Variants in ARNT2 observed in about 807,000 individuals in gnomAD.
ARNT2 encodes the protein ARNT protein 2.
Under a neutral mutation model 91.7 loss-of-function variants are expected in ARNT2, and 36 were observed. That is an observed-to-expected ratio of 0.39 (90% CI 0.30 to 0.52). The LOEUF (loss-of-function observed/expected upper bound fraction) is 0.52, where lower values mean the gene tolerates loss of function less well. ARNT2 is among the 20% of genes least tolerant of loss of function. The pLI, the probability that ARNT2 is intolerant of heterozygous loss-of-function variation, is 0.72. For synonymous variants in ARNT2, 365 were observed against 347.1 expected (o/e 1.05, Z -0.57); for missense variants, 775 against 939.3 (o/e 0.83, Z 2.29).
chr15:80,469,212 TG>T lies in ARNT2; in HGVS notation c.195-1004del, dbSNP rs1405024173. On this transcript the variant is annotated intron_variant, in intron 3 of 18. Coordinates refer to ENST00000303329, the MANE Select transcript of ARNT2 (RefSeq NM_014862.4). The stretch of plus-strand genomic sequence containing the variant: ...AAGCCTGAAGGTAAAAAGCCTGGGT[TG>T]GAAACATTCTACCATCCCTTCTGCT... Among the ~76,000 whole-genome samples, 3 of 152,342 alleles carry T rather than the reference TG, an allele frequency of 2.0e-5. No homozygotes were observed. In the East Asian group the frequency reaches 5.8e-4, roughly 29 times the overall value.
At position 80,505,927 on chromosome 15, in the gene ARNT2, G is replaced by GGTTTTTTTTT. The variant is rs1897266872; in HGVS notation, c.623-2229_623-2228insGTTTTTTTTT. Among the ~76,000 whole-genome samples the GGTTTTTTTTT allele has an allele frequency of 2.6e-4, 23 of 88,944 alleles. No homozygotes were observed. The South Asian group carries it at 9.6e-3, about 37-fold the overall frequency. The allele number at this position is 88,944 out of a possible 152,430, so 58.4% of individuals were successfully genotyped here. A position where few individuals can be genotyped will look rare whatever the true frequency, so the allele number is the denominator to read the frequency against. ...GAAAAAATGATTCCCAACATTTGTTGTTTTTTTTTTTTTTTTTTTTGAGAC... is the reference window on the plus strand; with the variant it reads ...GAAAAAATGATTCCCAACATTTGTTGGTTTTTTTTTTTTTTTTTTTTTTTTTTTTTGAGAC... On this transcript the variant is annotated intron_variant, in intron 5 of 18. Transcript: ENST00000303329.
chr15:80,478,237 A>G (rs1031645506), intron 5 of ARNT2, among the ~76,000 whole-genome samples: 3 of 152,208 alleles, frequency 2.0e-5, no homozygotes, highest in African/African-American at 7.2e-5. Flanking sequence ...TGACCACAGG[A>G]TGTGGCTTTT....
chr15:80,499,826 T>C (rs990511325), intron 5 of ARNT2, among the ~76,000 whole-genome samples: 1 of 152,212 alleles, frequency 6.6e-6, no homozygotes, highest in African/African-American at 2.4e-5. Flanking sequence ...AGCTCTTTTT[T>C]TGACTTTCAT....
intron 1 of ARNT2, among the ~76,000 whole-genome samples, chr15:80,406,595 A>G (rs1200066399): frequency 6.6e-6 from 1 of 152,210 alleles, no homozygotes; most frequent in Admixed American, 6.5e-5. Context: ...TGGACTAAAG[A>G]TCTAAAGATG....
chr15:80,575,384 T>C (rs968731628), intron 14 of ARNT2, among the ~76,000 whole-genome samples: 5 of 152,078 alleles, frequency 3.3e-5, no homozygotes, highest in African/African-American at 7.2e-5. Flanking sequence ...AGGAATGAGA[T>C]GGGTAGAAAT....
Position 80,464,489 on chromosome 15 carries a change from C to T in ARNT2, c.195-5729C>T, listed in dbSNP as rs184758234. 2.6e-5 allele frequency among the ~76,000 whole-genome samples: 4 copies of T among 152,224 alleles called. No individual in the cohort carries two copies. In the East Asian group the frequency reaches 7.7e-4, roughly 29 times the overall value. ...AGGATCTGGGCTTCTCAGACTCCTC[C>T]CTGTGTTTTGGGTGAGTCTTGCATT... On this transcript the variant is annotated intron_variant, in intron 3 of 18. Coordinates refer to ENST00000303329, the MANE Select transcript of ARNT2 (RefSeq NM_014862.4).
chr15:80,560,957 G>T (rs1898330462), intron 11 of ARNT2, among the ~76,000 whole-genome samples: 1 of 152,228 alleles, frequency 6.6e-6, no homozygotes, highest in Non-Finnish European at 1.5e-5. Flanking sequence ...CTCAGATCTT[G>T]TCTGGCTTCC....
chr15:80,569,211 G>A (rs542614483), intron 12 of ARNT2, among the ~76,000 whole-genome samples: 3 of 152,220 alleles, frequency 2.0e-5, no homozygotes, highest in Non-Finnish European at 4.4e-5. Context: ...CCCTGTCCAG[G>A]GAGCATCAGG....
At position 80,591,425 on chromosome 15, in the gene ARNT2, C is replaced by G; in HGVS notation, c.1919-143C>G. Reference sequence around the variant, plus strand: ...ATGATCTGTCAGCCAGTGAGAAAGACGAGGATAGCAAACACATTCCGCCAG... The same window carrying G: ...ATGATCTGTCAGCCAGTGAGAAAGAGGAGGATAGCAAACACATTCCGCCAG... On this transcript the variant is annotated intron_variant, in intron 17 of 18. Transcript: ENST00000303329. The surrounding 1 kb of genome is among the most constrained non-coding windows in gnomAD (Gnocchi z 5.1). 1 of 1,054,724 alleles carries G rather than the reference C, an allele frequency of 9.5e-7. No homozygotes were observed. The highest frequency in any genetic ancestry group is 1.5e-5 in the South Asian group (1 of 67,112). The allele number at this position is 1,054,724 out of a possible 1,614,324, so 65.3% of individuals were successfully genotyped here.
At chr15:80,511,562 T>C (rs965605721) in intron 6 of ARNT2, among the ~76,000 whole-genome samples, 4 of 151,144 alleles carry the variant, frequency 2.6e-5, no homozygotes, top group African/African-American at 9.7e-5. Flanking sequence ...ACGGAGAAGA[T>C]GAGCAGACAG....
intron 5 of ARNT2, among the ~76,000 whole-genome samples, chr15:80,489,882 G>A (rs1444503154): frequency 1.3e-5 from 2 of 152,176 alleles, no homozygotes; most frequent in South Asian, 4.1e-4. Flanking sequence ...TGACCAGTTG[G>A]GTGATCTTGG....
intron 5 of ARNT2, among the ~76,000 whole-genome samples, chr15:80,503,412 A>G (rs1897226949): frequency 6.6e-6 from 1 of 152,232 alleles, no homozygotes; most frequent in Non-Finnish European, 1.5e-5. Context: ...ATTGTGTCCA[A>G]GGAAACCGGA....
chr15:80,427,770 G>C (rs1045215378), intron 1 of ARNT2, among the ~76,000 whole-genome samples: 6 of 152,192 alleles, frequency 3.9e-5, no homozygotes, highest in Admixed American at 2.0e-4. Flanking sequence ...ACATACAACT[G>C]TTTAGTTTAC....
chr15:80,534,501 A>G (rs532363637), intron 8 of ARNT2, among the ~76,000 whole-genome samples: 17 of 152,280 alleles, frequency 1.1e-4, no homozygotes, highest in African/African-American at 3.6e-4. Context: ...CTAAAAACCA[A>G]TTGACAATAT....
Position 80,416,288 on chromosome 15 carries a change from T to A in ARNT2, c.31+11742T>A, listed in dbSNP as rs571230434. Among the ~76,000 whole-genome samples the A allele has an allele frequency of 1.3e-4, 20 of 151,560 alleles. No homozygotes were observed. The East Asian group carries it at 4.1e-3, about 31-fold the overall frequency. On this transcript the variant is annotated intron_variant, in intron 1 of 18. Coordinates refer to ENST00000303329, the MANE Select transcript of ARNT2 (RefSeq NM_014862.4). ...TTGCTATTTTACCATGTTGGCTTTATCAGTTTTTTTTTTCTCTGTCTCTCT... is the reference window on the plus strand; with the variant it reads ...TTGCTATTTTACCATGTTGGCTTTAACAGTTTTTTTTTTCTCTGTCTCTCT...
At chr15:80,491,630 A>G (rs557747473) in intron 5 of ARNT2, among the ~76,000 whole-genome samples, 2 of 152,200 alleles carry the variant, frequency 1.3e-5, no homozygotes, top group African/African-American at 2.4e-5. Flanking sequence ...GCATGTTAAC[A>G]TGATCCAATT....
intron 11 of ARNT2, 22 bp from the exon 12 acceptor site, chr15:80,563,066 C>T: frequency 6.2e-7 from 1 of 1,614,070 alleles, no homozygotes; most frequent in Non-Finnish European, 8.5e-7. Context: ...CTGCTGACTT[C>T]CTTCTCCAAA....
chr15:80,576,576 C>T (rs1052540536), intron 14 of ARNT2, among the ~76,000 whole-genome samples: 2 of 152,196 alleles, frequency 1.3e-5, no homozygotes, highest in African/African-American at 4.8e-5. Flanking sequence ...CATGCCTAGC[C>T]TCATTAATTC....
chr15:80,464,330 G>T (rs866451942), intron 3 of ARNT2, among the ~76,000 whole-genome samples: 5 of 151,576 alleles, frequency 3.3e-5, no homozygotes, highest in South Asian at 4.2e-4. Flanking sequence ...GGGGGTGGGG[G>T]GTTGCAAGGA....
Sources: gnomAD v4.1 joint callset for allele counts (sites outside exome capture counted in the v4.1 genomes callset) on GRCh38, gnomAD v4.1.1 for gene constraint, Gnocchi (gnomAD v3.1) non-coding constraint, MANE v1.5 for transcripts, NCBI Gene and HGNC (gene_info 2026-07-23, HGNC 2026-07-21) for gene names.